The following PATJ variants were observed in gnomAD, a reference collection of about 807,000 sequenced individuals.
PATJ encodes the protein PATJ crumbs cell polarity complex component.
In PATJ, 190 loss-of-function variants were observed where a neutral mutation model predicts 224.9. The ratio of observed to expected loss-of-function variants is 0.84; its 90% confidence interval spans 0.75 to 0.95. PATJ has a LOEUF of 0.95. Among genes scored for constraint, PATJ ranks in the 40% least tolerant of loss-of-function variants. The pLI, the probability that PATJ is intolerant of heterozygous loss-of-function variation, is 0.00. For synonymous variants in PATJ, 769 were observed against 820.3 expected, an observed-to-expected ratio of 0.94 and a Z score of 1.07; for missense variants, 2,121 against 2,270.3, an observed-to-expected ratio of 0.93 and a Z score of 1.34.
chr1:61,771,343 C>T, intron 5 of PATJ, 88 bp from the exon 6 acceptor site: 1 of 678,060 alleles, frequency 1.5e-6, no homozygotes, highest in South Asian at 2.4e-5. Context: ...AAAGTAGTAC[C>T]ATAGGCAACA....
chr1:61,997,186 A>G (rs753639645), intron 28 of PATJ, among the ~76,000 whole-genome samples: 3 of 152,262 alleles, frequency 2.0e-5, no homozygotes, highest in South Asian at 2.1e-4. Context: ...TCAATATTGT[A>G]TCTCAAAGCT....
At chr1:61,851,289 T>G (rs1662767727) in intron 17 of PATJ, among the ~76,000 whole-genome samples, 1 of 152,094 alleles carries the variant, frequency 6.6e-6, no homozygotes, top group African/African-American at 2.4e-5. Context: ...CTTTTTTGGT[T>G]TAGGGATATC....
At chr1:61,941,625 T>C (rs778738518) in intron 27 of PATJ, among the ~76,000 whole-genome samples, 13 of 152,138 alleles carry the variant, frequency 8.5e-5, no homozygotes, top group Non-Finnish European at 1.6e-4. Flanking sequence ...CACTCCAGCC[T>C]GGGCAACAGA....
intron 33 of PATJ, among the ~76,000 whole-genome samples, chr1:62,093,200 G>A (rs1253435562): frequency 6.6e-6 from 1 of 152,096 alleles, no homozygotes; most frequent in Non-Finnish European, 1.5e-5. Context: ...TCCCATTTGG[G>A]TACTATGTGG....
rs1657735776 is a variant in PATJ, at chr1:62,073,190, A to G, written c.4126-6260A>G. 3.0e-6 allele frequency: 3 copies of G among 985,436 alleles called. No homozygotes were observed. The South Asian group carries it at 1.4e-4, about 46-fold the overall frequency. The allele number at this position is 985,436 out of a possible 1,614,324, so 61.0% of individuals were successfully genotyped here. A position where few individuals can be genotyped will look rare whatever the true frequency, so the allele number is the denominator to read the frequency against. On this transcript the variant is annotated intron_variant, in intron 31 of 43. Transcript: ENST00000642238. The stretch of plus-strand genomic sequence containing the variant: ...AAGGAGGTGATTGCAATGAGATCAG[A>G]TCTTTTATTACTTGACAGGAGGTTG...
rs537998674 is a variant in PATJ, at chr1:61,835,009, A to G, written c.2112+1224A>G. On this transcript the variant is annotated intron_variant, in intron 17 of 43. Transcript: ENST00000642238. ...CTTCCAAAGTGCTGGGATTACAGGC[A>G]TGAGCCACTGTGCTCAGTCTAAATT... 4.0e-4 allele frequency among the ~76,000 whole-genome samples: 61 copies of G among 152,290 alleles called. 1 individual carries two copies. Among genetic ancestry groups the G allele is most frequent in the African/African-American group, 1.3e-3 (56 of 41,570 alleles).
chr1:61,964,781 T>C (rs1469010301), intron 27 of PATJ, among the ~76,000 whole-genome samples: 2 of 151,616 alleles, frequency 1.3e-5, no homozygotes, highest in African/African-American at 4.8e-5. Context: ...GAGCAAGGCC[T>C]CAACTCTTAA....
intron 28 of PATJ, among the ~76,000 whole-genome samples, chr1:62,002,858 A>G (rs925384281): frequency 6.6e-6 from 1 of 152,224 alleles, no homozygotes; most frequent in Non-Finnish European, 1.5e-5. Flanking sequence ...GGCAAGAGAA[A>G]AAGATTTCTA....
chr1:62,078,991 T>C (rs1247725242), intron 31 of PATJ: 2 of 152,734 alleles, frequency 1.3e-5, no homozygotes, highest in Admixed American at 1.3e-4. Context: ...TCTTTGACTC[T>C]AGTGTGTCCA....
Position 61,802,561 on chromosome 1 carries a change from G to C in PATJ, c.1549+792G>C, listed in dbSNP as rs545615494. Among the ~76,000 whole-genome samples the C allele has an allele frequency of 3.5e-4, 53 of 152,202 alleles. 1 individual carries two copies. Among genetic ancestry groups the C allele is most frequent in the African/African-American group, 1.3e-3 (52 of 41,556 alleles). ...CCCAAAGTGCTGAGATTATAGGCGT[G>C]AACCACCTTAGCTTATATATTATCA... On this transcript the variant is annotated intron_variant, in intron 12 of 43. Coordinates refer to ENST00000642238, the MANE Select transcript of PATJ (RefSeq NM_001350145.3).
intron 14 of PATJ, among the ~76,000 whole-genome samples, chr1:61,812,429 A>AGTGT (rs1355150780): frequency 4.5e-5 from 5 of 111,376 alleles, no homozygotes; most frequent in African/African-American, 1.4e-4. Context: ...AGAGAGAGAG[A>AGTGT]GAGAGTGTGT....
chr1:61,884,451 G>T lies in PATJ; in HGVS notation c.3131+43G>T, dbSNP rs982766772. On this transcript the variant is annotated intron_variant, in intron 22 of 43. Coordinates refer to ENST00000642238, the MANE Select transcript of PATJ (RefSeq NM_001350145.3). ...TTTGTTTTCACATTATAAAATAGTGGTTTTTTTTTTTTTTTTTTTTTTGCT... is the reference window on the plus strand; with the variant it reads ...TTTGTTTTCACATTATAAAATAGTGTTTTTTTTTTTTTTTTTTTTTTTGCT... 127 of 642,884 alleles carry T rather than the reference G, an allele frequency of 2.0e-4. 1 individual carries two copies. Among genetic ancestry groups the T allele is most frequent in the African/African-American group, 1.5e-3 (61 of 41,458 alleles). The allele number at this position is 642,884 out of a possible 1,614,324, so 39.8% of individuals were successfully genotyped here.
intron 22 of PATJ, among the ~76,000 whole-genome samples, chr1:61,894,272 C>CA (rs1553194681): frequency 0.16 from 22,897 of 144,472 alleles, 2,308 homozygotes; most frequent in African/African-American, 0.28. Flanking sequence ...AAAAAAAACA[C>CA]AAAAAAAAAA....
At chr1:62,023,188 G>A (rs1471441276) in intron 29 of PATJ, among the ~76,000 whole-genome samples, 3 of 151,984 alleles carry the variant, frequency 2.0e-5, no homozygotes, top group African/African-American at 7.3e-5. Context: ...TACTTGGGAG[G>A]CTGAGGCAGG....
Position 61,787,945 on chromosome 1 carries a change from T to C in PATJ, c.1041T>C (p.Pro347=). The C allele has an allele frequency of 1.9e-6, 3 of 1,613,624 alleles. No individual in the cohort carries two copies. Among genetic ancestry groups the C allele is most frequent in the Non-Finnish European group, 2.5e-6 (3 of 1,179,948 alleles). Residue 347 remains proline (P), a synonymous_variant, in exon 8 of 44, where the codon CCT becomes CCC. Transcript: ENST00000642238. ...PAPAALPVAL[P]TVASKGPGSD... is the part of the protein sequence containing the mutation. The stretch of plus-strand genomic sequence containing the variant: ...CTGCAGCCTTACCTGTTGCCCTGCC[T>C]ACTGTAGCCAGCAAGGGCCCTGGTT...
intron 8 of PATJ, among the ~76,000 whole-genome samples, chr1:61,790,340 G>C (rs1225703971): frequency 6.6e-6 from 1 of 151,688 alleles, no homozygotes; most frequent in East Asian, 1.9e-4. Flanking sequence ...TACAAATACA[G>C]CCTTTTTTCT....
In PATJ at chr1:62,064,738, G is replaced by A. The variant is rs952932313; in HGVS notation, c.4125+13680G>A. On this transcript the variant is annotated intron_variant, in intron 31 of 43. Transcript: ENST00000642238. Reference sequence around the variant, plus strand: ...CTTACTTCCAGGCTAGAATTCCCAGGTGTTATATCCTACTCATTTTTAATA... The same window carrying A: ...CTTACTTCCAGGCTAGAATTCCCAGATGTTATATCCTACTCATTTTTAATA... Among the ~76,000 whole-genome samples, 3 of 152,116 alleles carry A rather than the reference G, an allele frequency of 2.0e-5. 1 individual carries two copies. Among genetic ancestry groups the A allele is most frequent in the African/African-American group, 7.2e-5 (3 of 41,422 alleles).
rs558971658 is a variant in PATJ at position 62,086,766 on chromosome 1, C to T, written c.4377+2118C>T. Among the ~76,000 whole-genome samples the T allele has an allele frequency of 6.6e-6, 1 of 152,282 alleles. No individual in the cohort carries two copies. Among genetic ancestry groups the T allele is most frequent in the South Asian group, 2.1e-4 (1 of 4,816 alleles). ...CTTGACCCCTTCATCAGACTTGCAA[C>T]AGGGGTACTGTTTACTTGGAGCGCC... On this transcript the variant is annotated intron_variant, in intron 33 of 43. Coordinates refer to ENST00000642238, the MANE Select transcript of PATJ (RefSeq NM_001350145.3). This position sits in a 1 kb window ranked among gnomAD's most constrained non-coding sequence, Gnocchi z 4.0.
chr1:61,979,577 C>T (rs545959132), intron 27 of PATJ, among the ~76,000 whole-genome samples: 59 of 150,336 alleles, frequency 3.9e-4, no homozygotes, highest in African/African-American at 1.2e-3. Flanking sequence ...GGCTTGAACT[C>T]GGGAGGCGGA....
Sources: allele counts gnomAD v4.1 joint callset (sites outside exome capture counted in the v4.1 genomes callset), GRCh38; gene constraint gnomAD v4.1.1; non-coding constraint Gnocchi (gnomAD v3.1); transcripts MANE v1.5; gene names NCBI Gene and HGNC (gene_info 2026-07-23, HGNC 2026-07-21).